The following IGFL2 variants were observed in gnomAD, a reference collection of about 807,000 sequenced individuals.
IGFL2 encodes the protein insulin growth factor-like family member 2.
In IGFL2, 7 loss-of-function variants were observed where a neutral mutation model predicts 13.9. The ratio of observed to expected loss-of-function variants is 0.51; its 90% CI spans 0.29 to 0.95. The LOEUF (loss-of-function observed/expected upper bound fraction) is 0.95, where lower values mean the gene tolerates loss of function less well. Ranked by LOEUF, IGFL2 falls within the 40% of genes least tolerant of loss-of-function variation. The probability of loss-of-function intolerance (pLI) is 0.08; values close to 1 mark genes in which losing one functional copy is unlikely to be tolerated. For synonymous variants in IGFL2, 55 were observed against 55.8 expected (o/e 0.99, Z 0.07); for missense variants, 138 against 147.8 (o/e 0.93, Z 0.34).
At chr19:46,137,009 A>T in the IGFL2 span, 1 of 1,575,924 alleles carries the variant, frequency 6.3e-7, no homozygotes, top group Admixed American at 1.7e-5. Flanking sequence ...AGAGAAAGGG[A>T]CATCTTTCAA....
the IGFL2 span, among the ~76,000 whole-genome samples, chr19:46,173,056 A>G: frequency 4.6e-5 from 7 of 152,244 alleles, no homozygotes; most frequent in African/African-American, 1.2e-4. Flanking sequence ...TCTCTTCCAT[A>G]GAGAAGATTA....
At chr19:46,099,365 C>T in the IGFL2 span, among the ~76,000 whole-genome samples, 1 of 152,088 alleles carries the variant, frequency 6.6e-6, no homozygotes, top group African/African-American at 2.4e-5. Flanking sequence ...TGAATGTTGG[C>T]CTCTCTTGCT....
At chr19:46,134,782 C>T in the IGFL2 span, among the ~76,000 whole-genome samples, 1 of 152,190 alleles carries the variant, frequency 6.6e-6, no homozygotes, top group Non-Finnish European at 1.5e-5. Context: ...TAAGTCACTG[C>T]TTACTGCCTG....
chr19:46,153,839 A>ATATATATATTT (rs1198396702), intron 1 of IGFL2, among the ~76,000 whole-genome samples: 11 of 139,352 alleles, frequency 7.9e-5, no homozygotes, highest in African/African-American at 2.7e-4. Flanking sequence ...ATATATATAT[A>ATATATATATTT]TTTTTTTTAC....
At chr19:46,179,390 G>A in the IGFL2 span, 1 of 155,628 alleles carries the variant, frequency 6.4e-6, no homozygotes, top group Non-Finnish European at 1.4e-5. Flanking sequence ...TCTGAGCAGA[G>A]CTGGTTGTGG....
chr19:46,177,582 G>GAC, the IGFL2 span, among the ~76,000 whole-genome samples: 1 of 152,088 alleles, frequency 6.6e-6, no homozygotes, highest in Non-Finnish European at 1.5e-5. Context: ...AACTCTTGGG[G>GAC]ACATGGTCCA....
chr19:46,161,221 G>A lies in IGFL2; in HGVS notation c.*133G>A. The A allele has an allele frequency of 1.5e-6, 1 of 654,624 alleles. No individual in the cohort carries two copies. The allele number at this position is 654,624 out of a possible 1,614,324, so 40.6% of individuals were successfully genotyped here. A position where few individuals can be genotyped will look rare whatever the true frequency, so the allele number is the denominator to read the frequency against. On this transcript the variant is annotated 3_prime_UTR_variant, in exon 4 of 4. Coordinates refer to ENST00000377693, the MANE Select transcript of IGFL2 (RefSeq NM_001135113.2). ...TCCAAGCCATTGTATGGCCCATGTG[G>A]GAGACTGATGGGACATGGAGAATGA...
At chr19:46,140,373 ACG>A (rs1972808793), upstream of IGFL2, among the ~76,000 whole-genome samples, 1 of 152,138 alleles carries the variant, frequency 6.6e-6, no homozygotes, top group East Asian at 1.9e-4. Context: ...CAGAGGATGA[ACG>A]TTATTAAAAG....
At chr19:46,163,146 C>T (rs1266656962), downstream of IGFL2, among the ~76,000 whole-genome samples, 8 of 152,154 alleles carry the variant, frequency 5.3e-5, no homozygotes, top group African/African-American at 2.4e-5. Flanking sequence ...GTATGGCTCC[C>T]CTATGTTTCC....
At chr19:46,143,032 C>T (rs1191751071), upstream of IGFL2, 1 of 152,224 alleles carries the variant, frequency 6.6e-6, no homozygotes, top group East Asian at 1.9e-4. Flanking sequence ...TTGACTGTTA[C>T]ATGTTACTGC....
At chr19:46,192,451 G>T in the IGFL2 span, among the ~76,000 whole-genome samples, 3 of 144,882 alleles carry the variant, frequency 2.1e-5, no homozygotes, top group African/African-American at 7.7e-5. Flanking sequence ...ATGGAGTCTC[G>T]CTCTGTCACC....
the IGFL2 span, among the ~76,000 whole-genome samples, chr19:46,121,225 C>A: frequency 6.7e-6 from 1 of 148,184 alleles, no homozygotes; most frequent in African/African-American, 2.5e-5. Flanking sequence ...CAAAAAAAAA[C>A]CAAAAAACCA....
At chr19:46,176,856 A>G in the IGFL2 span, among the ~76,000 whole-genome samples, 2 of 152,106 alleles carry the variant, frequency 1.3e-5, no homozygotes, top group African/African-American at 4.8e-5. Flanking sequence ...TGAAAGCACC[A>G]TTTTCAGTTT....
chr19:46,147,366 TA>T (rs535172557), upstream of IGFL2, among the ~76,000 whole-genome samples: 5,230 of 152,268 alleles, frequency 0.034, 131 homozygotes, highest in East Asian at 0.071. Context: ...GGGGTCCCCT[TA>T]GTTACCCTCT....
chr19:46,130,135 T>TA, the IGFL2 span, among the ~76,000 whole-genome samples: 2 of 152,308 alleles, frequency 1.3e-5, no homozygotes, highest in Admixed American at 6.5e-5. Context: ...TGTCTTTTTT[T>TA]ATCTTTGTTG....
chr19:46,172,363 A>G, the IGFL2 span, among the ~76,000 whole-genome samples: 2 of 152,234 alleles, frequency 1.3e-5, no homozygotes, highest in African/African-American at 2.4e-5. Context: ...ATAATAATCC[A>G]TTACAGGAAG....
At chr19:46,096,097 A>G in the IGFL2 span, among the ~76,000 whole-genome samples, 59 of 152,300 alleles carry the variant, frequency 3.9e-4, no homozygotes, top group South Asian at 7.2e-3. Flanking sequence ...TTGAATCTAT[A>G]AATTACTTTG....
chr19:46,160,125 G>T (rs1169637418), intron 1 of IGFL2: 2 of 447,976 alleles, frequency 4.5e-6, no homozygotes, highest in African/African-American at 2.0e-5. Context: ...TTTAACAGCT[G>T]CTCCCTCCTT....
chr19:46,104,696 G>A, the IGFL2 span, among the ~76,000 whole-genome samples: 7 of 152,170 alleles, frequency 4.6e-5, no homozygotes, highest in African/African-American at 1.7e-4. Context: ...GAAGGGAGCG[G>A]GCCTGAACAA....
Sources: gnomAD v4.1 joint callset for allele counts (sites outside exome capture counted in the v4.1 genomes callset) on GRCh38, gnomAD v4.1.1 for gene constraint, MANE v1.5 for transcripts, NCBI Gene and HGNC (gene_info 2026-07-23, HGNC 2026-07-21) for gene names.